SNX13: variants seen among roughly 807,000 people sequenced by gnomAD.
SNX13 encodes the protein sorting nexin 13.
A neutral mutation model predicts 133.6 loss-of-function variants in SNX13; 45 were observed. The observed-to-expected ratio is 0.34, with a 90% CI of 0.27 to 0.43. The LOEUF (loss-of-function observed/expected upper bound fraction) is 0.43, where lower values mean the gene tolerates loss of function less well. Among genes scored for constraint, SNX13 ranks in the 20% least tolerant of loss-of-function variants. SNX13 has a pLI of 1.00. For missense variants in SNX13, 1,032 were observed against 1,145.1 expected (o/e 0.90, Z 1.43); for synonymous variants, 414 against 373.9 (o/e 1.11, Z -1.24).
At chr7:17,919,712 G>C (rs553907955) in intron 1 of SNX13, among the ~76,000 whole-genome samples, 1 of 152,208 alleles carries the variant, frequency 6.6e-6, no homozygotes, top group Non-Finnish European at 1.5e-5. Flanking sequence ...CAACTCAGGA[G>C]GAGGAAAGCG....
intron 20 of SNX13, among the ~76,000 whole-genome samples, chr7:17,804,573 C>T (rs544009153): frequency 6.6e-6 from 1 of 151,474 alleles, no homozygotes; most frequent in East Asian, 1.9e-4. Flanking sequence ...TGACAGAAAG[C>T]AAAAATGGTA....
chr7:17,912,466 G>A (rs747109774), intron 1 of SNX13, among the ~76,000 whole-genome samples: 17 of 151,248 alleles, frequency 1.1e-4, no homozygotes, highest in Non-Finnish European at 1.9e-4. Flanking sequence ...TTGGAGTGCC[G>A]TGGCATGATC....
intron 22 of SNX13, 40 bp from the exon 23 acceptor site, chr7:17,799,194 T>G: frequency 2.0e-6 from 3 of 1,517,742 alleles, no homozygotes; most frequent in Non-Finnish European, 2.7e-6. Flanking sequence ...TTGAGTTAGC[T>G]ATCTACTATG....
Position 17,891,729 on chromosome 7 carries a change from A to T in SNX13, c.229-94T>A, listed in dbSNP as rs558101908. ...TGAATACTCAATGTAACATCCCTTC[A>T]TTATCCTCAAGTAAATAAATAACCT... On this transcript the variant is annotated intron_variant, in intron 3 of 25. Transcript: ENST00000428135. 4 of 737,002 alleles carry T rather than the reference A, an allele frequency of 5.4e-6. No individual in the cohort carries two copies. The East Asian group carries it at 1.1e-4, about 19-fold the overall frequency. The allele number at this position is 737,002 out of a possible 1,614,324, so 45.7% of individuals were successfully genotyped here.
At chr7:17,922,914 G>T (rs758978284) in intron 1 of SNX13, among the ~76,000 whole-genome samples, 2 of 152,098 alleles carry the variant, frequency 1.3e-5, no homozygotes, top group Non-Finnish European at 2.9e-5. Flanking sequence ...AATGAAAACG[G>T]TAAACAATAT....
chr7:17,839,411 G>C (rs1583430548), intron 13 of SNX13, among the ~76,000 whole-genome samples: 1 of 151,482 alleles, frequency 6.6e-6, no homozygotes, highest in African/African-American at 2.4e-5. Flanking sequence ...GCAAATTTTT[G>C]TTTCATTCAT....
chr7:17,917,150 C>T (rs1358999222), intron 1 of SNX13, among the ~76,000 whole-genome samples: 2 of 152,094 alleles, frequency 1.3e-5, no homozygotes, highest in Non-Finnish European at 2.9e-5. Context: ...AACTAGGCAT[C>T]AAAGGATCAT....
chr7:17,816,620 G>A (rs1786695692), intron 18 of SNX13, among the ~76,000 whole-genome samples: 1 of 152,054 alleles, frequency 6.6e-6, no homozygotes, highest in African/African-American at 2.4e-5. Context: ...CCGAGAGTGT[G>A]CCATTGCACT....
At position 17,875,786 on chromosome 7, in the gene SNX13, T is replaced by C; in HGVS notation, c.445A>G (p.Lys149Glu). ...NALIQFATRS[K>E]EIDWQPYFTT... ...AAATAAGGTTGCCAGTCTATTTCTT[T>C]TGACCTTATAAAAAACACATTACAT... Residue 149 changes from lysine to glutamate, a missense_variant, in exon 6 of 26, where the codon AAA becomes GAA. Physicochemically the swap from Lys to Glu is moderately conservative, Grantham distance 56. Transcript: ENST00000428135. 1.3e-6 allele frequency: 2 copies of C among 1,588,736 alleles called. No homozygotes were observed. Among genetic ancestry groups the C allele is most frequent in the Non-Finnish European group, 1.7e-6 (2 of 1,168,476 alleles).
At chr7:17,870,232 C>T (rs982581161) in intron 8 of SNX13, among the ~76,000 whole-genome samples, 8 of 152,040 alleles carry the variant, frequency 5.3e-5, no homozygotes, top group African/African-American at 1.9e-4. Context: ...AACATAGTAA[C>T]GGCAAGAAAG....
intron 15 of SNX13, chr7:17,830,611 C>T: frequency 1.0e-6 from 1 of 983,832 alleles, no homozygotes; most frequent in Non-Finnish European, 1.2e-6. Flanking sequence ...ACTGCATATG[C>T]AATTCCATTT....
chr7:17,863,831 C>G (rs939372053), intron 9 of SNX13, among the ~76,000 whole-genome samples: 3 of 152,190 alleles, frequency 2.0e-5, no homozygotes, highest in Non-Finnish European at 2.9e-5. Context: ...GAAACAGACC[C>G]TTTGTAATTA....
chr7:17,881,752 A>G (rs1795378721), intron 5 of SNX13: 1 of 151,130 alleles, frequency 6.6e-6, no homozygotes, highest in East Asian at 1.9e-4. Flanking sequence ...TAAATACATA[A>G]TCCTTTACTT....
Position 17,794,114 on chromosome 7 carries a change from C to A in SNX13, c.2805G>T (p.Arg935=), listed in dbSNP as rs747141438. Residue 935 remains arginine (R), a synonymous_variant, in exon 26 of 26, where the codon CGG becomes CGT. Coordinates refer to ENST00000428135, the MANE Select transcript of SNX13 (RefSeq NM_015132.5). ...GTTTATATTTCTGCATCTGCTTTGA[C>A]CGTGAATGCAGTTTGTTGAAAAGTT... The part of the protein sequence containing the change: ...FRELFNKLHS[R]SKQMQKYKQK... 6.2e-7 allele frequency: 1 copy of A among 1,611,662 alleles called. No homozygotes were observed. Among genetic ancestry groups the A allele is most frequent in the East Asian group, 2.2e-5 (1 of 44,818 alleles).
intron 20 of SNX13, among the ~76,000 whole-genome samples, chr7:17,806,537 A>G (rs992935381): frequency 2.6e-5 from 4 of 152,224 alleles, no homozygotes; most frequent in Admixed American, 2.6e-4. Flanking sequence ...CATTCTAAAG[A>G]GGTCAACATG....
chr7:17,815,342 T>C lies in SNX13; in HGVS notation c.1954-398A>G, dbSNP rs544991147. 2.0e-5 allele frequency among the ~76,000 whole-genome samples: 3 copies of C among 152,236 alleles called. 1 individual carries two copies. Among genetic ancestry groups the C allele is most frequent in the East Asian group, 3.9e-4 (2 of 5,174 alleles). The stretch of plus-strand genomic sequence containing the variant: ...CTCATGCCTGTAACCCCAGCACTTT[T>C]GGAGATTGAGGCGGGAAAATTGCCC... On this transcript the variant is annotated intron_variant, in intron 19 of 25. Transcript: ENST00000428135.
At chr7:17,805,248 T>TGC (rs1401213640) in intron 20 of SNX13, among the ~76,000 whole-genome samples, 296 of 89,342 alleles carry the variant, frequency 3.3e-3, no homozygotes, top group Non-Finnish European at 5.4e-3. Flanking sequence ...TGTGTGTGTG[T>TGC]GTGCGTGCGC....
intron 1 of SNX13, among the ~76,000 whole-genome samples, chr7:17,929,118 T>G (rs959185557): frequency 1.3e-5 from 2 of 151,964 alleles, no homozygotes; most frequent in Admixed American, 1.3e-4. Flanking sequence ...TGCAGGCCTG[T>G]AGACACAGAG....
intron 1 of SNX13, among the ~76,000 whole-genome samples, chr7:17,933,871 A>G (rs1801710681): frequency 1.3e-5 from 2 of 152,114 alleles, no homozygotes; most frequent in Non-Finnish European, 2.9e-5. Flanking sequence ...TATACCCTCC[A>G]TCATCTTATA....
Sources: gnomAD v4.1 joint callset for allele counts (sites outside exome capture counted in the v4.1 genomes callset) on GRCh38, gnomAD v4.1.1 for gene constraint, MANE v1.5 for transcripts, NCBI Gene and HGNC (gene_info 2026-07-23, HGNC 2026-07-21) for gene names.